Variants in COL24A1 observed in about 807,000 individuals in gnomAD.
COL24A1 encodes collagen alpha-1(XXIV) chain.
In COL24A1, 224 loss-of-function variants were observed where a neutral mutation model predicts 253.9. The ratio of observed to expected loss-of-function variants is 0.88; its 90% CI spans 0.79 to 0.99. The LOEUF (loss-of-function observed/expected upper bound fraction) is 0.99, where lower values mean the gene tolerates loss of function less well. Ranked by LOEUF, COL24A1 falls within the 50% of genes least tolerant of loss-of-function variation. The pLI is 0.00. For synonymous variants in COL24A1, 685 were observed against 673.7 expected (o/e 1.02, Z -0.26); for missense variants, 2,131 against 2,068.5 (o/e 1.03, Z -0.59).
intron 5 of COL24A1, among the ~76,000 whole-genome samples, chr1:86,107,635 C>T (rs1010688243): frequency 6.6e-6 from 1 of 151,956 alleles, no homozygotes; most frequent in East Asian, 1.9e-4. Context: ...CCCGGGTTCA[C>T]GCCATTCTCC....
chr1:85,788,399 A>T (rs1669916513), intron 47 of COL24A1, among the ~76,000 whole-genome samples: 1 of 152,100 alleles, frequency 6.6e-6, no homozygotes, highest in Non-Finnish European at 1.5e-5. Flanking sequence ...CCCTTTGCCC[A>T]CTTTTTAATG....
intron 53 of COL24A1, among the ~76,000 whole-genome samples, chr1:85,775,111 C>T (rs1668396090): frequency 6.6e-6 from 1 of 152,112 alleles, no homozygotes; most frequent in African/African-American, 2.4e-5. Context: ...TTTATTTCTG[C>T]CTTTATTTCG....
At chr1:85,924,345 A>G (rs779995664) in intron 24 of COL24A1, among the ~76,000 whole-genome samples, 1 of 152,180 alleles carries the variant, frequency 6.6e-6, no homozygotes, top group Non-Finnish European at 1.5e-5. Context: ...CCTGATACGA[A>G]AGCCTGGCAG....
At chr1:85,992,436 A>G (rs1416782696) in intron 19 of COL24A1, among the ~76,000 whole-genome samples, 2 of 152,220 alleles carry the variant, frequency 1.3e-5, no homozygotes, top group Non-Finnish European at 2.9e-5. Context: ...TGCCTTTTAA[A>G]TAATACATTT....
At chr1:86,082,861 C>T (rs943146962) in intron 7 of COL24A1, among the ~76,000 whole-genome samples, 1 of 147,472 alleles carries the variant, frequency 6.8e-6, no homozygotes. Flanking sequence ...CCACTTGAGA[C>T]TCCCAAATCT....
At chr1:85,833,412 T>A (rs1675589355) in intron 43 of COL24A1, among the ~76,000 whole-genome samples, 1 of 152,096 alleles carries the variant, frequency 6.6e-6, no homozygotes, top group African/African-American at 2.4e-5. Context: ...AAAACCACAA[T>A]GAGATACCAT....
chr1:86,086,314 G>A (rs997309197), intron 7 of COL24A1, among the ~76,000 whole-genome samples: 1 of 151,984 alleles, frequency 6.6e-6, no homozygotes, highest in Non-Finnish European at 1.5e-5. Flanking sequence ...CAGACCCATA[G>A]CCCCAAACCC....
At chr1:86,034,154 A>G (rs1698815573) in intron 12 of COL24A1, among the ~76,000 whole-genome samples, 1 of 152,144 alleles carries the variant, frequency 6.6e-6, no homozygotes, top group Non-Finnish European at 1.5e-5. Flanking sequence ...TATATGCCAC[A>G]TAACATATAC....
At position 85,737,525 on chromosome 1, in the gene COL24A1, C is replaced by T; in HGVS notation, c.4673-20G>A. 6.8e-7 allele frequency: 1 copy of T among 1,473,182 alleles called. No individual in the cohort carries two copies. 91.3% of individuals were successfully genotyped at this position (1,473,182 alleles called of 1,614,324 possible). ...ATTTTCCTAATAATTTATAGTAAAA[C>T]ATAAAGTTAAAGTTATTAAATGCCA... On this transcript the variant is annotated intron_variant, in intron 57 of 59. Coordinates refer to ENST00000370571, the MANE Select transcript of COL24A1 (RefSeq NM_152890.7).
rs187313871 is a variant in COL24A1 at position 85,894,725 on chromosome 1, C to T, written c.2922+1133G>A. On this transcript the variant is annotated intron_variant, in intron 31 of 59. Coordinates refer to ENST00000370571, the MANE Select transcript of COL24A1 (RefSeq NM_152890.7). ...CTCAAGTAATATTCTTTGAGGATAACGTTAATCAATAATACAATGCCACAC... is the reference window on the plus strand; with the variant it reads ...CTCAAGTAATATTCTTTGAGGATAATGTTAATCAATAATACAATGCCACAC... 2.5e-3 allele frequency among the ~76,000 whole-genome samples: 387 copies of T among 152,138 alleles called. 3 individuals carry two copies. In the South Asian group the frequency reaches 0.026, roughly 10 times the overall value.
At position 86,125,837 on chromosome 1, in the gene COL24A1, C is replaced by G; in HGVS notation, c.499G>C (p.Ala167Pro). 6.2e-7 allele frequency: 1 copy of G among 1,613,256 alleles called. No individual in the cohort carries two copies. Residue 167 changes from alanine (A) to proline (P), a missense_variant, in exon 3 of 60, where the codon GCC (alanine) becomes CCC (proline). By Grantham distance (27) the Ala-to-Pro change is conservative. Coordinates refer to ENST00000370571, the MANE Select transcript of COL24A1 (RefSeq NM_152890.7). ...ACACTTTGGTTTCTAATAGTAATGG[C>G]AAATGAGTGCCATTGCTCATCATGA... Reference protein sequence around the residue: ...SVHDEQWHSFAITIRNQSVSM... With the variant: ...SVHDEQWHSFPITIRNQSVSM...
At chr1:86,082,797 AC>A (rs1702750453) in intron 7 of COL24A1, among the ~76,000 whole-genome samples, 1 of 151,072 alleles carries the variant, frequency 6.6e-6, no homozygotes, top group African/African-American at 2.4e-5. Flanking sequence ...AATGCTTGGG[AC>A]CAGAGTGTTT....
At chr1:85,787,125 G>A (rs1669763777) in intron 47 of COL24A1, among the ~76,000 whole-genome samples, 1 of 151,536 alleles carries the variant, frequency 6.6e-6, no homozygotes, top group Non-Finnish European at 1.5e-5. Context: ...GGACAGTCAT[G>A]CTCATTCATT....
At chr1:85,739,285 C>G (rs545344620) in intron 57 of COL24A1, among the ~76,000 whole-genome samples, 3 of 152,210 alleles carry the variant, frequency 2.0e-5, no homozygotes, top group South Asian at 4.1e-4. Context: ...TTCCATCAAG[C>G]AAATTTTATT....
intron 24 of COL24A1, among the ~76,000 whole-genome samples, chr1:85,949,260 A>G (rs1410046744): frequency 1.3e-5 from 2 of 152,228 alleles, no homozygotes; most frequent in African/African-American, 4.8e-5. Context: ...GAAGGGAAAC[A>G]CAGATTCTTC....
intron 24 of COL24A1, among the ~76,000 whole-genome samples, chr1:85,915,683 G>C (rs2102967236): frequency 6.6e-6 from 1 of 152,274 alleles, no homozygotes; most frequent in Admixed American, 6.5e-5. Context: ...GAGTCTCGCT[G>C]TGTCGCCTGG....
At chr1:85,898,899 T>A (rs1684019742) in intron 28 of COL24A1, among the ~76,000 whole-genome samples, 1 of 152,128 alleles carries the variant, frequency 6.6e-6, no homozygotes. Flanking sequence ...GGTAGACACC[T>A]AAAAGAGGTA....
intron 7 of COL24A1, among the ~76,000 whole-genome samples, chr1:86,074,626 C>T (rs1702119652): frequency 6.6e-6 from 1 of 152,180 alleles, no homozygotes; most frequent in South Asian, 2.1e-4. Flanking sequence ...ATCTACAGAA[C>T]TCTGCACCCC....
intron 12 of COL24A1, among the ~76,000 whole-genome samples, chr1:86,038,191 T>G (rs188620021): frequency 1.8e-3 from 280 of 152,244 alleles, no homozygotes; most frequent in Non-Finnish European, 3.0e-3. Context: ...TGCAACTGTT[T>G]GCAAATATCA....
Sources: gnomAD v4.1 joint callset for allele counts (sites outside exome capture counted in the v4.1 genomes callset) on GRCh38, gnomAD v4.1.1 for gene constraint, MANE v1.5 for transcripts, NCBI Gene and HGNC (gene_info 2026-07-23, HGNC 2026-07-21) for gene names.